Variants in RTL4 observed in about 807,000 individuals in gnomAD.
The protein encoded by RTL4 is retrotransposon Gag like 4.
Under a neutral mutation model 5.3 loss-of-function variants are expected in RTL4, and 4 were observed. That is an observed-to-expected ratio of 0.75 (90% CI 0.37 to 1.72). The LOEUF (loss-of-function observed/expected upper bound fraction) is 1.72, where lower values mean the gene tolerates loss of function less well. Among genes scored for constraint, RTL4 ranks in the 40% most tolerant of loss-of-function variants. RTL4 has a pLI of 0.04. For missense variants in RTL4, 260 were observed against 227.1 expected (o/e 1.14, Z -0.93); for synonymous variants, 98 against 87.3 (o/e 1.12, Z -0.68).
At chrX:112,222,108 C>T in the RTL4 span, among the ~76,000 whole-genome samples, 6 of 111,498 alleles carry the variant, frequency 5.4e-5, no homozygotes, top group Admixed American at 3.8e-4. Flanking sequence ...GAGCTAAGGA[C>T]AATTATTTTC....
the RTL4 span, among the ~76,000 whole-genome samples, chrX:112,222,564 C>A: frequency 1.8e-5 from 2 of 108,195 alleles, no homozygotes; most frequent in Admixed American, 2.0e-4. Flanking sequence ...CTCATCTCTA[C>A]TAAAAATTGA....
the RTL4 span, among the ~76,000 whole-genome samples, chrX:112,263,526 T>G: frequency 8.9e-6 from 1 of 112,127 alleles, no homozygotes; most frequent in East Asian, 2.8e-4. Flanking sequence ...TAAGCTCAAC[T>G]TTGTTAGATT....
At chrX:112,415,751 G>C in the RTL4 span, among the ~76,000 whole-genome samples, 1 of 111,215 alleles carries the variant, frequency 9.0e-6, no homozygotes, top group Admixed American at 9.6e-5. Context: ...TGGGATAACT[G>C]GTATTATTTC....
chrX:112,227,247 T>C, the RTL4 span, among the ~76,000 whole-genome samples: 2 of 111,497 alleles, frequency 1.8e-5, no homozygotes, highest in African/African-American at 3.3e-5. Flanking sequence ...CCTCACCTTC[T>C]TTTTGGCTGT....
the RTL4 span, among the ~76,000 whole-genome samples, chrX:112,191,258 A>G: frequency 4.5e-5 from 5 of 111,970 alleles, no homozygotes; most frequent in African/African-American, 1.6e-4. Flanking sequence ...CTTCCCTCCC[A>G]TAAAAAAAGG....
the RTL4 span, among the ~76,000 whole-genome samples, chrX:112,233,306 G>A: frequency 9.2e-6 from 1 of 108,282 alleles, no homozygotes; most frequent in Admixed American, 9.6e-5. Context: ...TTGTATCTGA[G>A]TTGAACCTGC....
At chrX:112,352,194 C>T in the RTL4 span, among the ~76,000 whole-genome samples, 19 of 111,184 alleles carry the variant, frequency 1.7e-4, no homozygotes, top group Admixed American at 7.7e-4. Flanking sequence ...TGAATATTGG[C>T]CCCCACTCTC....
At chrX:112,422,018 A>G in the RTL4 span, among the ~76,000 whole-genome samples, 6 of 111,836 alleles carry the variant, frequency 5.4e-5, no homozygotes, top group African/African-American at 1.9e-4. Context: ...AGATGGATCA[A>G]CCTGAGAATC....
chrX:112,226,321 C>A, the RTL4 span, among the ~76,000 whole-genome samples: 2 of 112,224 alleles, frequency 1.8e-5, no homozygotes, highest in African/African-American at 6.5e-5. Flanking sequence ...AGCTCAGCTA[C>A]AACCTGCTTT....
chrX:112,238,262 A>G, the RTL4 span, among the ~76,000 whole-genome samples: 93 of 112,181 alleles, frequency 8.3e-4, 1 homozygote, highest in Non-Finnish European at 1.4e-3. Flanking sequence ...GTCTATCACC[A>G]TAAACAATTG....
chrX:112,207,249 G>A, the RTL4 span, among the ~76,000 whole-genome samples: 1 of 111,405 alleles, frequency 9.0e-6, no homozygotes, highest in Non-Finnish European at 1.9e-5. Flanking sequence ...TACATTTCTT[G>A]CACTGGCTCA....
the RTL4 span, among the ~76,000 whole-genome samples, chrX:112,344,911 T>C: frequency 9.0e-6 from 1 of 111,302 alleles, no homozygotes; most frequent in Non-Finnish European, 1.9e-5. Context: ...ACATCTTACA[T>C]GGCGGCAGGC....
chrX:112,293,533 A>G, the RTL4 span, among the ~76,000 whole-genome samples: 2 of 112,153 alleles, frequency 1.8e-5, no homozygotes, highest in South Asian at 7.4e-4. Flanking sequence ...GAATGGGGTA[A>G]CAGTTTTCCA....
At chrX:112,338,611 G>A in the RTL4 span, among the ~76,000 whole-genome samples, 1 of 111,748 alleles carries the variant, frequency 8.9e-6, no homozygotes, top group Non-Finnish European at 1.9e-5. Flanking sequence ...AGTTAGCTCT[G>A]GAAGTAAGCT....
At chrX:112,375,617 A>G in the RTL4 span, among the ~76,000 whole-genome samples, 1 of 110,953 alleles carries the variant, frequency 9.0e-6, no homozygotes, top group East Asian at 2.9e-4. Context: ...CACTGTTCTT[A>G]CCCTCTTCAA....
the RTL4 span, among the ~76,000 whole-genome samples, chrX:112,250,810 T>G: frequency 8.9e-6 from 1 of 112,375 alleles, no homozygotes; most frequent in African/African-American, 3.2e-5. Context: ...ACCTGCAGCT[T>G]ATTTTAAATT....
At chrX:112,150,862 C>T in the RTL4 span, among the ~76,000 whole-genome samples, 4 of 111,963 alleles carry the variant, frequency 3.6e-5, no homozygotes, top group South Asian at 1.5e-3. Flanking sequence ...ACTCTCTTAG[C>T]ATTAATTGAG....
the RTL4 span, among the ~76,000 whole-genome samples, chrX:112,152,639 C>T: frequency 2.7e-5 from 3 of 112,004 alleles, no homozygotes; most frequent in Non-Finnish European, 5.7e-5. Context: ...GTAGTAGTCC[C>T]GTTAAAGAAG....
chrX:112,249,999 G>A, the RTL4 span, among the ~76,000 whole-genome samples: 491 of 110,672 alleles, frequency 4.4e-3, 18 homozygotes, highest in East Asian at 0.12. Context: ...TAACAGGGCC[G>A]GGCGCAGTGG....
Sources: gnomAD v4.1 joint callset for allele counts (sites outside exome capture counted in the v4.1 genomes callset) on GRCh38, gnomAD v4.1.1 for gene constraint, MANE v1.5 for transcripts, NCBI Gene and HGNC (gene_info 2026-07-23, HGNC 2026-07-21) for gene names.